TUBE1: variants seen among roughly 807,000 people sequenced by gnomAD.
TUBE1 encodes the protein tubulin epsilon 1.
In TUBE1, 34 loss-of-function variants were observed where a neutral mutation model predicts 53.5. The observed-to-expected ratio is 0.64, with a 90% confidence interval of 0.48 to 0.85. TUBE1 has a LOEUF of 0.85. Ranked by LOEUF, TUBE1 falls within the 40% of genes least tolerant of loss-of-function variation. The probability of loss-of-function intolerance (pLI) is 0.00; values close to 1 mark genes in which losing one functional copy is unlikely to be tolerated. For missense variants in TUBE1, 532 were observed against 570.5 expected (o/e 0.93, Z 0.69); for synonymous variants, 177 against 198.4 (o/e 0.89, Z 0.91).
rs146797315 is a variant in TUBE1, at chr6:112,076,462, C to T, written c.496G>A (p.Glu166Lys). The change falls in exon 7 of 12, where the codon GAA (glutamate) becomes AAA (lysine). Residue 166 changes from glutamate to lysine, a missense_variant. By Grantham distance (56) the Glu-to-Lys change is moderately conservative (BLOSUM62 1). Transcript: ENST00000368662. Reference protein sequence around the residue: ...GTFLLKVLEDEFPEVYRFVTS... With the variant: ...GTFLLKVLEDKFPEVYRFVTS... ...ACAAATCTGTATACTTCTGGGAATT[C>T]GTCTTCAAGCACCTTTAAAAGAAAT... 3.5e-4 allele frequency: 563 copies of T among 1,612,498 alleles called. No individual in the cohort carries two copies. Among genetic ancestry groups the T allele is most frequent in the Non-Finnish European group, 4.6e-4 (537 of 1,179,426 alleles).
intron 5 of TUBE1, among the ~76,000 whole-genome samples, chr6:112,080,164 C>A (rs1169396465): frequency 4.6e-5 from 7 of 151,784 alleles, no homozygotes; most frequent in African/African-American, 1.7e-4. Context: ...TACAGAGACA[C>A]TGAAAATCAA....
intron 8 of TUBE1, chr6:112,075,556 A>C (rs1045694061): frequency 6.3e-6 from 1 of 158,368 alleles, no homozygotes; most frequent in Non-Finnish European, 1.4e-5. Context: ...AATAATGTCA[A>C]AGCAATCTCT....
At chr6:112,081,762 A>AG (rs1554316774) in intron 4 of TUBE1, among the ~76,000 whole-genome samples, 1 of 151,850 alleles carries the variant, frequency 6.6e-6, no homozygotes, top group Non-Finnish European at 1.5e-5. Flanking sequence ...TACACTCCTA[A>AG]GAAGAAATGA....
intron 10 of TUBE1, among the ~76,000 whole-genome samples, 161 bp from the exon 11 acceptor site, chr6:112,072,237 A>G (rs368923928): frequency 1.9e-4 from 29 of 152,194 alleles, no homozygotes; most frequent in African/African-American, 6.3e-4. Context: ...TATTGGCAGT[A>G]ACATGGTACA....
chr6:112,076,022 T>C lies in TUBE1; in HGVS notation c.727A>G (p.Ser243Gly), dbSNP rs202046748. 1.2e-5 allele frequency: 20 copies of C among 1,613,822 alleles called. No individual in the cohort carries two copies. The highest frequency in any genetic ancestry group is 1.4e-5 in the Non-Finnish European group (17 of 1,179,944). The change falls in exon 8 of 12, where the codon AGT becomes GGT. Residue 243 changes from serine (S) to glycine (G), a missense_variant. Physicochemically the swap from Ser to Gly is moderately conservative, Grantham distance 56. Transcript: ENST00000368662. The stretch of plus-strand genomic sequence containing the variant: ...TGCTGCTTTTTTAAAGCCCCAGAAC[T>C]TGAAGTAACCAGACTCTTTGGCTTC... ...TVKPKSLVTS[S>G]SGALKKQHKK...
chr6:112,086,657 C>A, intron 2 of TUBE1, 49 bp from the exon 3 acceptor site: 2 of 1,289,782 alleles, frequency 1.6e-6, no homozygotes, highest in South Asian at 2.5e-5. Context: ...GCTTCTCGCC[C>A]AAATCAAGTT....
chr6:112,087,388 C>T, intron 1 of TUBE1, 22 bp downstream of exon 1: 1 of 1,551,542 alleles, frequency 6.4e-7, no homozygotes, highest in Non-Finnish European at 8.7e-7. Flanking sequence ...GACCAGGTCT[C>T]TACCCGCCCG....
At chr6:112,075,075 T>TC in intron 8 of TUBE1, 1 of 240,004 alleles carries the variant, frequency 4.2e-6, no homozygotes, top group Non-Finnish European at 7.8e-6. Flanking sequence ...TTTCTTTTTT[T>TC]TTTTTTTTTG....
chr6:112,075,974 T>A lies in TUBE1; in HGVS notation c.775A>T (p.Asn259Tyr). Residue 259 changes from asparagine (N) to tyrosine (Y), a missense_variant, in exon 8 of 12, where the codon AAT (asparagine) becomes TAT (tyrosine). Coordinates refer to ENST00000368662, the MANE Select transcript of TUBE1 (RefSeq NM_016262.5). ...AGGAGCAAATTTGCCACAATGTTAT[T>A]CATTGCATCAAAGGGCTTCTTATGC... is the stretch of plus-strand genomic sequence containing the variant. ...KQHKKPFDAM[N>Y]NIVANLLLNL... 6.2e-7 allele frequency: 1 copy of A among 1,613,748 alleles called. No homozygotes were observed. Among genetic ancestry groups the A allele is most frequent in the Non-Finnish European group, 8.5e-7 (1 of 1,179,818 alleles).
At chr6:112,085,525 A>G in intron 3 of TUBE1, 3 of 370,442 alleles carry the variant, frequency 8.1e-6, no homozygotes, top group South Asian at 6.4e-5. Flanking sequence ...AAGCGCCGGA[A>G]AGGAAGTATG....
chr6:112,080,496 A>G (rs931233534), intron 5 of TUBE1, among the ~76,000 whole-genome samples: 2 of 152,108 alleles, frequency 1.3e-5, no homozygotes, highest in South Asian at 2.1e-4. Context: ...GTAAAATTAC[A>G]TATTATTCCG....
intron 3 of TUBE1, chr6:112,085,851 G>A (rs1343924815): frequency 2.7e-6 from 1 of 366,976 alleles, no homozygotes; most frequent in Non-Finnish European, 5.4e-6. Context: ...TGACACTTCT[G>A]AGTTTGCAAG....
Position 112,076,310 on chromosome 6 carries a change from G to A in TUBE1, c.636+12C>T. ...ATAACATTTATTCATAAGTTCCAATGTCATTTCTTACTTGATTGTCAATGG... is the reference window on the plus strand; with the variant it reads ...ATAACATTTATTCATAAGTTCCAATATCATTTCTTACTTGATTGTCAATGG... On this transcript the variant is annotated intron_variant, in intron 7 of 11. Coordinates refer to ENST00000368662, the MANE Select transcript of TUBE1 (RefSeq NM_016262.5). 6.4e-7 allele frequency: 1 copy of A among 1,552,718 alleles called. No homozygotes were observed. Among genetic ancestry groups the A allele is most frequent in the Non-Finnish European group, 8.7e-7 (1 of 1,150,540 alleles).
At chr6:112,072,146 GCTC>G in intron 10 of TUBE1, 70 bp from the exon 11 acceptor site, 2 of 1,192,542 alleles carry the variant, frequency 1.7e-6, no homozygotes, top group Non-Finnish European at 2.3e-6. Context: ...TATAATGGCA[GCTC>G]ATATTAGTTA....
intron 9 of TUBE1, among the ~76,000 whole-genome samples, chr6:112,073,214 C>T (rs182203328): frequency 1.3e-5 from 2 of 152,108 alleles, no homozygotes; most frequent in African/African-American, 4.8e-5. Context: ...ATTTTTGAAA[C>T]TTGTATTATT....
Position 112,078,882 on chromosome 6 carries a change from AC to A in TUBE1, c.448+750del, listed in dbSNP as rs1470752907. Among the ~76,000 whole-genome samples, 7 of 152,206 alleles carry A rather than the reference AC, an allele frequency of 4.6e-5. No homozygotes were observed. In the South Asian group the frequency reaches 1.2e-3, roughly 27 times the overall value. Reference sequence around the variant, plus strand: ...AATAATATGTATAAAAATCAACTGTACATACACCTAACTTGCTGAATATAAA... The same window carrying A: ...AATAATATGTATAAAAATCAACTGTAATACACCTAACTTGCTGAATATAAA... On this transcript the variant is annotated intron_variant, in intron 6 of 11. Coordinates refer to ENST00000368662, the MANE Select transcript of TUBE1 (RefSeq NM_016262.5).
At chr6:112,076,667 T>C in intron 6 of TUBE1, 158 bp from the exon 7 acceptor site, 2 of 527,782 alleles carry the variant, frequency 3.8e-6, no homozygotes, top group Non-Finnish European at 6.3e-6. Context: ...CCTCCTAGGG[T>C]CAAATGATCC....
At chr6:112,079,575 A>T in intron 6 of TUBE1, 58 bp downstream of exon 6, 1 of 1,578,154 alleles carries the variant, frequency 6.3e-7, no homozygotes, top group African/African-American at 1.4e-5. Context: ...TACGTTTGCA[A>T]AATGAATTCC....
At chr6:112,082,440 T>G (rs141891106) in intron 4 of TUBE1, among the ~76,000 whole-genome samples, 1 of 152,176 alleles carries the variant, frequency 6.6e-6, no homozygotes. Flanking sequence ...TGTTCCAAAA[T>G]AGATTTATTG....
Sources: gnomAD v4.1 joint callset for allele counts (sites outside exome capture counted in the v4.1 genomes callset) on GRCh38, gnomAD v4.1.1 for gene constraint, MANE v1.5 for transcripts, NCBI Gene and HGNC (gene_info 2026-07-23, HGNC 2026-07-21) for gene names.